The following ASB3 variants were observed in gnomAD, a reference collection of about 807,000 sequenced individuals.
ASB3 encodes ankyrin repeat and SOCS box protein 3.
Under a neutral mutation model 54.5 loss-of-function variants are expected in ASB3, and 41 were observed. The observed-to-expected ratio is 0.75, with a 90% confidence interval of 0.59 to 0.98. ASB3 has a LOEUF of 0.98. ASB3 is among the 50% of genes least tolerant of loss of function. The pLI is 0.00. For missense variants in ASB3, 733 were observed against 620.0 expected, an observed-to-expected ratio of 1.18 and a Z score of -1.94; for synonymous variants, 266 against 221.2, an observed-to-expected ratio of 1.20 and a Z score of -1.80.
At chr2:53,768,222 C>T in intron 1 of ASB3, 1 of 584,448 alleles carries the variant, frequency 1.7e-6, no homozygotes, top group South Asian at 2.6e-5. Context: ...TCCGAAGCTG[C>T]TTAAGATGCC....
At chr2:53,756,232 C>T (rs1186311879) in intron 2 of ASB3, among the ~76,000 whole-genome samples, 1 of 151,846 alleles carries the variant, frequency 6.6e-6, no homozygotes, top group African/African-American at 2.4e-5. Flanking sequence ...AAGGGAAATC[C>T]TGCCTGTCTA....
chr2:53,746,000 T>G (rs1329820943), intron 3 of ASB3, among the ~76,000 whole-genome samples: 2 of 152,174 alleles, frequency 1.3e-5, no homozygotes, highest in Non-Finnish European at 2.9e-5. Flanking sequence ...ATATGGTTAT[T>G]TAAAAGATAA....
chr2:53,779,948 A>T (rs1558579924), intron 1 of ASB3, among the ~76,000 whole-genome samples: 1 of 152,214 alleles, frequency 6.6e-6, no homozygotes, highest in Non-Finnish European at 1.5e-5. Flanking sequence ...GAAGCCCTGA[A>T]GGCTTTTTGT....
At chr2:53,768,455 C>G (rs1673654939) in intron 1 of ASB3, among the ~76,000 whole-genome samples, 1 of 152,226 alleles carries the variant, frequency 6.6e-6, no homozygotes, top group South Asian at 2.1e-4. Context: ...TTTCTGCATT[C>G]TAGCCGACTT....
At position 53,750,737 on chromosome 2, in the gene ASB3, T is replaced by A. The variant is rs76764843; in HGVS notation, c.355+46A>T. ...AATTAAGCTTAGTTTAACAAAAAAATAATAATGATGAAAAATTGCATCTGC... is the reference window on the plus strand; with the variant it reads ...AATTAAGCTTAGTTTAACAAAAAAAAAATAATGATGAAAAATTGCATCTGC... On this transcript the variant is annotated intron_variant, in intron 3 of 9. Transcript: ENST00000263634. 2,548 of 1,429,828 alleles carry A rather than the reference T, an allele frequency of 1.8e-3. 30 individuals are homozygous for A. The African/African-American group carries it at 0.033, about 19-fold the overall frequency. 88.6% of individuals were successfully genotyped at this position (1,429,828 alleles called of 1,614,324 possible).
chr2:53,698,489 C>A (rs1260858839), intron 8 of ASB3, among the ~76,000 whole-genome samples: 1 of 152,164 alleles, frequency 6.6e-6, no homozygotes. Context: ...GCCCTCACAT[C>A]TCTCTATAAG....
At chr2:53,727,186 A>G (rs1282948425) in intron 5 of ASB3, among the ~76,000 whole-genome samples, 1 of 152,200 alleles carries the variant, frequency 6.6e-6, no homozygotes. Context: ...GTTTGAACAG[A>G]TAATTTTGGG....
At chr2:53,759,300 T>A (rs557375723) in intron 2 of ASB3, among the ~76,000 whole-genome samples, 1 of 152,224 alleles carries the variant, frequency 6.6e-6, no homozygotes, top group Admixed American at 6.5e-5. Context: ...AATTATTCAA[T>A]GATGTCCACT....
chr2:53,724,176 A>T (rs762606273), intron 5 of ASB3, among the ~76,000 whole-genome samples: 7 of 152,202 alleles, frequency 4.6e-5, no homozygotes, highest in Non-Finnish European at 8.8e-5. Flanking sequence ...AATAGGAGAA[A>T]ATATTTGCTA....
chr2:53,712,054 A>G (rs1670129306), intron 7 of ASB3, among the ~76,000 whole-genome samples: 1 of 152,192 alleles, frequency 6.6e-6, no homozygotes, highest in Non-Finnish European at 1.5e-5. Flanking sequence ...CAAACTGTGG[A>G]GTTCCTTAAA....
chr2:53,731,614 G>A (rs1671319984), intron 3 of ASB3, among the ~76,000 whole-genome samples: 1 of 152,030 alleles, frequency 6.6e-6, no homozygotes, highest in South Asian at 2.1e-4. Context: ...TGGCTCTCAG[G>A]TACCACATAA....
At chr2:53,778,614 A>G (rs1164607108) in intron 1 of ASB3, among the ~76,000 whole-genome samples, 1 of 152,154 alleles carries the variant, frequency 6.6e-6, no homozygotes, top group Non-Finnish European at 1.5e-5. Flanking sequence ...TTTAGATTAA[A>G]TATATAAGTA....
chr2:53,785,107 C>T (rs1674865401), intron 1 of ASB3, among the ~76,000 whole-genome samples: 1 of 152,236 alleles, frequency 6.6e-6, no homozygotes, highest in South Asian at 2.1e-4. Flanking sequence ...ATTTGTCTGG[C>T]TCCCTTCTTT....
At chr2:53,712,957 G>T (rs1670189454) in intron 7 of ASB3, among the ~76,000 whole-genome samples, 1 of 152,164 alleles carries the variant, frequency 6.6e-6, no homozygotes, top group African/African-American at 2.4e-5. Flanking sequence ...GGGTACACAA[G>T]AAAATCCTAT....
At chr2:53,732,468 T>C (rs1276766016) in intron 3 of ASB3, among the ~76,000 whole-genome samples, 1 of 152,204 alleles carries the variant, frequency 6.6e-6, no homozygotes, top group Non-Finnish European at 1.5e-5. Flanking sequence ...AGTCCATGAC[T>C]TGAAGATTAT....
chr2:53,672,024 A>G (rs1235259483), intron 9 of ASB3, among the ~76,000 whole-genome samples: 1 of 152,214 alleles, frequency 6.6e-6, no homozygotes, highest in Non-Finnish European at 1.5e-5. Context: ...TCTAATACCC[A>G]TAGGGCTTGA....
intron 7 of ASB3, among the ~76,000 whole-genome samples, chr2:53,712,835 A>G (rs926820119): frequency 2.6e-5 from 4 of 152,210 alleles, no homozygotes; most frequent in African/African-American, 9.6e-5. Context: ...CAGTTCTGTA[A>G]CGGACTTAAG....
intron 3 of ASB3, among the ~76,000 whole-genome samples, chr2:53,730,699 C>T (rs1038616184): frequency 1.3e-5 from 2 of 152,164 alleles, no homozygotes; most frequent in African/African-American, 4.8e-5. Context: ...TCAACCTCGC[C>T]AGCACCTGTT....
At chr2:53,702,888 G>T (rs1344370240) in intron 7 of ASB3, among the ~76,000 whole-genome samples, 2 of 152,160 alleles carry the variant, frequency 1.3e-5, no homozygotes, top group Admixed American at 6.5e-5. Context: ...CAACTTATTA[G>T]GTGAATTATA....
Sources: gnomAD v4.1 joint callset for allele counts (sites outside exome capture counted in the v4.1 genomes callset) on GRCh38, gnomAD v4.1.1 for gene constraint, MANE v1.5 for transcripts, NCBI Gene and HGNC (gene_info 2026-07-23, HGNC 2026-07-21) for gene names.